Variants in NCKAP1 observed in about 807,000 individuals in gnomAD.
The protein encoded by NCKAP1 is nck-associated protein 1.
In NCKAP1, 21 loss-of-function variants were observed where a neutral mutation model predicts 151.2. The observed-to-expected ratio is 0.14, with a 90% CI of 0.10 to 0.20. NCKAP1 has a LOEUF of 0.20. NCKAP1 is among the 10% of genes least tolerant of loss of function. The pLI is 1.00. For missense variants in NCKAP1, 933 were observed against 1,352.1 expected (o/e 0.69, Z 4.86); for synonymous variants, 484 against 451.8 (o/e 1.07, Z -0.90).
At chr2:182,998,863 G>C (rs1029592808) in intron 6 of NCKAP1, among the ~76,000 whole-genome samples, 1 of 123,702 alleles carries the variant, frequency 8.1e-6, no homozygotes, top group Admixed American at 8.2e-5. Context: ...AAAAAGGGGG[G>C]AAGGAAGGAA....
At chr2:182,982,215 T>TA (rs1455678750) in intron 12 of NCKAP1, among the ~76,000 whole-genome samples, 5 of 152,170 alleles carry the variant, frequency 3.3e-5, no homozygotes, top group African/African-American at 1.2e-4. Flanking sequence ...ACAAAAACTT[T>TA]ATCACCACAA....
At chr2:182,946,331 C>G (rs1350166946) in intron 23 of NCKAP1, among the ~76,000 whole-genome samples, 1 of 151,812 alleles carries the variant, frequency 6.6e-6, no homozygotes, top group African/African-American at 2.4e-5. Flanking sequence ...ACCTGGGAGG[C>G]AGAGCTTGCA....
intron 28 of NCKAP1, 50 bp from the exon 29 acceptor site, chr2:182,928,276 C>A (rs779886077): frequency 2.0e-5 from 26 of 1,272,146 alleles, no homozygotes; most frequent in Middle Eastern, 1.9e-4. Context: ...GCAAATAATA[C>A]ATAGAAGGCA....
intron 8 of NCKAP1, among the ~76,000 whole-genome samples, chr2:182,990,296 C>T (rs1205371114): frequency 6.6e-6 from 1 of 151,786 alleles, no homozygotes; most frequent in Admixed American, 6.6e-5. Context: ...CCTCATTCTC[C>T]CCAAGAACTG....
intron 15 of NCKAP1, among the ~76,000 whole-genome samples, chr2:182,975,562 T>C (rs1362107828): frequency 1.3e-5 from 2 of 152,194 alleles, no homozygotes; most frequent in Non-Finnish European, 2.9e-5. Context: ...AAATACTTCT[T>C]ATATTTTCTC....
chr2:182,978,316 C>G (rs1319536548), intron 14 of NCKAP1, among the ~76,000 whole-genome samples: 2 of 152,118 alleles, frequency 1.3e-5, no homozygotes, highest in Non-Finnish European at 2.9e-5. Flanking sequence ...TATATGACAT[C>G]AATTTTTGAG....
At chr2:182,932,859 C>A (rs1696794215) in intron 26 of NCKAP1, among the ~76,000 whole-genome samples, 1 of 152,048 alleles carries the variant, frequency 6.6e-6, no homozygotes. Flanking sequence ...CTTAGGAAAT[C>A]ATTTTGAGCT....
chr2:182,989,221 T>G, intron 8 of NCKAP1, 35 bp from the exon 9 acceptor site: 1 of 1,526,540 alleles, frequency 6.6e-7, no homozygotes, highest in Admixed American at 2.1e-5. Flanking sequence ...CAAATGTAAA[T>G]GTACAAGTAT....
intron 25 of NCKAP1, 50 bp from the exon 26 acceptor site, chr2:182,934,882 C>A: frequency 4.8e-6 from 4 of 839,254 alleles, no homozygotes; most frequent in East Asian, 5.9e-5. Context: ...AATGGCAACC[C>A]CTAAATTTAC....
chr2:182,932,433 G>A (rs958984362), intron 26 of NCKAP1, among the ~76,000 whole-genome samples: 13 of 152,060 alleles, frequency 8.5e-5, no homozygotes, highest in African/African-American at 2.9e-4. Flanking sequence ...TAGATTAGTC[G>A]TTGCCTAGGG....
rs548430800 is a variant in NCKAP1 at position 182,956,832 on chromosome 2, A to G, written c.2022-239T>C. On this transcript the variant is annotated intron_variant, in intron 19 of 30. Coordinates refer to ENST00000361354, the MANE Select transcript of NCKAP1 (RefSeq NM_013436.5). ...AGTAATGAATATACTGACTTAATAT[A>G]CAAAGGTAGAGCTTATTCTGCACTC... 1.6e-5 allele frequency: 6 copies of G among 376,456 alleles called. No individual in the cohort carries two copies. In the South Asian group the frequency reaches 2.7e-4, roughly 17 times the overall value. 23.3% of individuals were successfully genotyped at this position (376,456 alleles called of 1,614,324 possible).
chr2:183,032,864 C>T (rs541101169), intron 1 of NCKAP1, among the ~76,000 whole-genome samples: 4 of 152,120 alleles, frequency 2.6e-5, no homozygotes, highest in Admixed American at 1.3e-4. Flanking sequence ...CTGGGCAACA[C>T]GGTGAAACCC....
chr2:182,956,352 C>G, intron 20 of NCKAP1, 110 bp downstream of exon 20: 1 of 1,393,808 alleles, frequency 7.2e-7, no homozygotes, highest in Non-Finnish European at 9.8e-7. Context: ...GTTCATTATT[C>G]TTAACACTAA....
At chr2:183,001,891 C>A in intron 6 of NCKAP1, 62 bp downstream of exon 6, 3 of 1,392,714 alleles carry the variant, frequency 2.2e-6, no homozygotes, top group South Asian at 1.2e-5. Context: ...CTTTATCCAA[C>A]CATCCATCCT....
intron 21 of NCKAP1, 44 bp downstream of exon 21, chr2:182,953,069 T>A (rs1245386356): frequency 2.6e-6 from 4 of 1,540,898 alleles, no homozygotes; most frequent in Non-Finnish European, 3.5e-6. Flanking sequence ...AAGTACTTCA[T>A]TACAAATTTT....
Position 182,909,824 on chromosome 2 carries a change from T to C in NCKAP1, c.*15878A>G, listed in dbSNP as rs956571638. On this transcript the variant is annotated 3_prime_UTR_variant, in exon 31 of 31. Coordinates refer to ENST00000361354, the MANE Select transcript of NCKAP1 (RefSeq NM_013436.5). The stretch of plus-strand genomic sequence containing the variant: ...GGAGCCCAACCTGAGCTGAGCTTCT[T>C]GGGTACTCCTAAGAAAAACACTTCC... 6.6e-6 allele frequency: 1 copy of C among 152,206 alleles called. No homozygotes were observed. Among genetic ancestry groups the C allele is most frequent in the Non-Finnish European group, 1.5e-5 (1 of 68,036 alleles). 9.4% of individuals were successfully genotyped at this position (152,206 alleles called of 1,614,324 possible). A position where few individuals can be genotyped will look rare whatever the true frequency, so the allele number is the denominator to read the frequency against.
chr2:182,933,360 T>C (rs1696803647), intron 26 of NCKAP1, among the ~76,000 whole-genome samples: 2 of 147,506 alleles, frequency 1.4e-5, no homozygotes, highest in East Asian at 2.0e-4. Context: ...TGGCAGAAGA[T>C]AAGCCTCAAA....
In NCKAP1 at chr2:182,914,400, G is replaced by A. The variant is rs1245229027; in HGVS notation, c.*11302C>T. The A allele has an allele frequency of 6.6e-6, 1 of 152,178 alleles. No homozygotes were observed. The highest frequency in any genetic ancestry group is 1.9e-4 in the East Asian group (1 of 5,198). 9.4% of individuals were successfully genotyped at this position (152,178 alleles called of 1,614,324 possible). On this transcript the variant is annotated 3_prime_UTR_variant, in exon 31 of 31. Coordinates refer to ENST00000361354, the MANE Select transcript of NCKAP1 (RefSeq NM_013436.5). ...TACATACCTGCTGCCAGGATGAATA[G>A]ATTAAAACAGGCAATTTCTATTTCT...
At position 182,952,835 on chromosome 2, in the gene NCKAP1, T is replaced by C; in HGVS notation, c.2461A>G (p.Asn821Asp). Residue 821 changes from asparagine (N) to aspartate (D), a missense_variant, in exon 22 of 31, where the codon AAT (asparagine) becomes GAT (aspartate). Physicochemically the swap from Asn to Asp is conservative, Grantham distance 23 (BLOSUM62 1). Around this residue, in one of 2 missense-constraint regions of NCKAP1, gnomAD observed 326 missense variants for 557.1 expected, o/e 0.59. Coordinates refer to ENST00000361354, the MANE Select transcript of NCKAP1 (RefSeq NM_013436.5). ...TCCTCTGCATTGAATGTTAATTCAT[T>C]TTCTGTAGGTAAGTTCACAAACGCT... The part of the protein sequence containing the change: ...MKAFVNLPTE[N>D]ELTFNAEEYS... The C allele has an allele frequency of 3.1e-6, 5 of 1,611,752 alleles. No individual in the cohort carries two copies. The highest frequency in any genetic ancestry group is 4.2e-6 in the Non-Finnish European group (5 of 1,178,454).
Sources: gnomAD v4.1 joint callset for allele counts (sites outside exome capture counted in the v4.1 genomes callset) on GRCh38, gnomAD v4.1.1 for gene constraint, gnomAD v4.1.1 regional missense constraint, MANE v1.5 for transcripts, NCBI Gene and HGNC (gene_info 2026-07-23, HGNC 2026-07-21) for gene names.